HPSE2: variants seen among roughly 807,000 people sequenced by gnomAD.
HPSE2 encodes heparanase 2 (inactive).
Under a neutral mutation model 60.5 loss-of-function variants are expected in HPSE2, and 38 were observed. The observed-to-expected ratio is 0.63, with a 90% confidence interval of 0.48 to 0.82. The LOEUF is 0.82. Among genes scored for constraint, HPSE2 ranks in the 40% least tolerant of loss-of-function variants. The probability of loss-of-function intolerance (pLI) is 0.00; values close to 1 mark genes in which losing one functional copy is unlikely to be tolerated. For synonymous variants in HPSE2, 295 were observed against 293.2 expected, an observed-to-expected ratio of 1.01 and a Z score of -0.06; for missense variants, 713 against 740.4, an observed-to-expected ratio of 0.96 and a Z score of 0.43.
chr10:99,144,669 T>C (rs1340138612), intron 2 of HPSE2, among the ~76,000 whole-genome samples: 1 of 152,166 alleles, frequency 6.6e-6, no homozygotes, highest in Non-Finnish European at 1.5e-5. Flanking sequence ...CAATTCTCCT[T>C]CCCAGCCCTT....
intron 9 of HPSE2, among the ~76,000 whole-genome samples, chr10:98,555,135 C>T (rs1471579461): frequency 6.6e-6 from 1 of 152,166 alleles, no homozygotes; most frequent in Admixed American, 6.5e-5. Flanking sequence ...AGACATGTTC[C>T]TTTCAGCTCT....
chr10:99,235,221 G>T (rs1308827479), intron 1 of HPSE2, among the ~76,000 whole-genome samples: 1 of 152,132 alleles, frequency 6.6e-6, no homozygotes, highest in Non-Finnish European at 1.5e-5. Flanking sequence ...AAGTAGACGG[G>T]AAGGCTAATT....
rs140492157 is a variant in HPSE2, at chr10:99,221,944, A to G, written c.448+10404T>C. 9.3e-4 allele frequency among the ~76,000 whole-genome samples: 141 copies of G among 152,246 alleles called. 1 individual carries two copies. Among genetic ancestry groups the G allele is most frequent in the Non-Finnish European group, 5.4e-4 (37 of 68,008 alleles). On this transcript the variant is annotated intron_variant, in intron 2 of 11. Coordinates refer to ENST00000370552, the MANE Select transcript of HPSE2 (RefSeq NM_021828.5). ...AAAGTGGAGCTTCAGAAAGGTTAAT[A>G]AGACAACAAGATGGAGAGAGGCTGA...
the HPSE2 span, among the ~76,000 whole-genome samples, chr10:99,290,584 A>T: frequency 2.1e-4 from 30 of 142,932 alleles, no homozygotes; most frequent in Non-Finnish European, 3.8e-4. Flanking sequence ...ACCTCAGACC[A>T]GGTGGTTCTT....
chr10:98,471,639 C>T (rs777433124), intron 11 of HPSE2, among the ~76,000 whole-genome samples: 51 of 151,956 alleles, frequency 3.4e-4, no homozygotes, highest in Non-Finnish European at 2.2e-4. Context: ...GGAACTGCTT[C>T]GCTGGATGTC....
rs528289087 is a variant in HPSE2, at chr10:99,130,764, G to A, written c.610+13474C>T. ...AAGACTATTACAAGGTGACAGACCCGGGGCTTTGGGAGTTATCAATCGGAC... is the reference window on the plus strand; with the variant it reads ...AAGACTATTACAAGGTGACAGACCCAGGGCTTTGGGAGTTATCAATCGGAC... On this transcript the variant is annotated intron_variant, in intron 3 of 11. Transcript: ENST00000370552. Among the ~76,000 whole-genome samples the A allele has an allele frequency of 8.7e-4, 133 of 152,274 alleles. 1 individual carries two copies. Among genetic ancestry groups the A allele is most frequent in the South Asian group, 4.4e-3 (21 of 4,822 alleles).
chr10:99,072,250 A>G (rs934879307), intron 3 of HPSE2, among the ~76,000 whole-genome samples: 1 of 152,176 alleles, frequency 6.6e-6, no homozygotes, highest in Non-Finnish European at 1.5e-5. Flanking sequence ...CAAAGATTTC[A>G]TGACAAAATC....
At chr10:98,687,354 A>T (rs1454833845) in intron 6 of HPSE2, among the ~76,000 whole-genome samples, 1 of 152,090 alleles carries the variant, frequency 6.6e-6, no homozygotes, top group Non-Finnish European at 1.5e-5. Flanking sequence ...AAATCCAGCA[A>T]TTGTAGGTCA....
intron 3 of HPSE2, among the ~76,000 whole-genome samples, chr10:98,852,113 A>ATATATGTG (rs779720749): frequency 0.028 from 2,528 of 91,470 alleles, 53 homozygotes; most frequent in Non-Finnish European, 0.037. Context: ...GTATATTATG[A>ATATATGTG]TGTGTGTGTG....
intron 3 of HPSE2, among the ~76,000 whole-genome samples, chr10:98,776,362 A>G (rs138174469): frequency 0.015 from 2,353 of 152,046 alleles, 35 homozygotes; most frequent in African/African-American, 0.031. Context: ...CAGGAGAATC[A>G]CTTGAACCCA....
chr10:98,725,712 A>G (rs529780571), intron 4 of HPSE2, among the ~76,000 whole-genome samples: 2 of 152,126 alleles, frequency 1.3e-5, no homozygotes, highest in African/African-American at 4.8e-5. Context: ...AACCTACAAA[A>G]TGGGAGAAAA....
intron 3 of HPSE2, among the ~76,000 whole-genome samples, chr10:98,814,802 T>C (rs1951246959): frequency 6.6e-6 from 1 of 152,204 alleles, no homozygotes. Flanking sequence ...CATTATTTGT[T>C]GTTTCTTAGT....
chr10:99,251,862 C>CAAAAAA, the HPSE2 span, among the ~76,000 whole-genome samples: 2 of 57,264 alleles, frequency 3.5e-5, no homozygotes, highest in African/African-American at 6.4e-5. Flanking sequence ...CTCTCTCTAC[C>CAAAAAA]AAAAAAAAAA....
intron 3 of HPSE2, among the ~76,000 whole-genome samples, chr10:98,943,917 T>C (rs1955100929): frequency 6.6e-6 from 1 of 152,182 alleles, no homozygotes; most frequent in South Asian, 2.1e-4. Context: ...TCCAATTTTT[T>C]CCCCATAGAA....
chr10:98,837,610 C>G (rs1951819252), intron 3 of HPSE2, among the ~76,000 whole-genome samples: 1 of 151,632 alleles, frequency 6.6e-6, no homozygotes, highest in Non-Finnish European at 1.5e-5. Flanking sequence ...CGTGGTGGCT[C>G]ACGCCTGTAA....
chr10:98,716,973 G>T (rs1032840230), intron 5 of HPSE2, among the ~76,000 whole-genome samples: 2 of 151,988 alleles, frequency 1.3e-5, no homozygotes, highest in Non-Finnish European at 2.9e-5. Context: ...CAGAGTTTCA[G>T]ATTTCCAAGA....
the HPSE2 span, among the ~76,000 whole-genome samples, chr10:99,251,079 G>T: frequency 6.6e-6 from 1 of 152,074 alleles, no homozygotes; most frequent in South Asian, 2.1e-4. Flanking sequence ...TCTTTGAAAG[G>T]ATCAAGATCA....
At chr10:99,128,859 T>A (rs934120554) in intron 3 of HPSE2, among the ~76,000 whole-genome samples, 4 of 152,066 alleles carry the variant, frequency 2.6e-5, no homozygotes, top group African/African-American at 9.7e-5. Flanking sequence ...ATTTCATTTT[T>A]TAAAAAAAAA....
chr10:98,858,934 T>A (rs1424004301), intron 3 of HPSE2, among the ~76,000 whole-genome samples: 1 of 152,136 alleles, frequency 6.6e-6, no homozygotes, highest in Non-Finnish European at 1.5e-5. Context: ...TTTTTGTTTG[T>A]TTTTCGTTTT....
Sources: allele counts gnomAD v4.1 joint callset (sites outside exome capture counted in the v4.1 genomes callset), GRCh38; gene constraint gnomAD v4.1.1; transcripts MANE v1.5; gene names NCBI Gene and HGNC (gene_info 2026-07-23, HGNC 2026-07-21).